The following WNT4 variants were observed in gnomAD, a reference collection of about 807,000 sequenced individuals.
WNT4 encodes protein Wnt-4.
Under a neutral mutation model 34.5 loss-of-function variants are expected in WNT4, and 16 were observed. The ratio of observed to expected loss-of-function variants is 0.46; its 90% CI spans 0.31 to 0.70. The LOEUF (loss-of-function observed/expected upper bound fraction) is 0.70, where lower values mean the gene tolerates loss of function less well. Ranked by LOEUF, WNT4 falls within the 30% of genes least tolerant of loss-of-function variation. WNT4 has a pLI of 0.04. For synonymous variants in WNT4, 200 were observed against 211.9 expected (o/e 0.94, Z 0.49); for missense variants, 379 against 495.9 (o/e 0.76, Z 2.24).
rs1359702434 is a variant in WNT4 at position 22,139,453 on chromosome 1, TGG to T, written c.77+3391_77+3392del. Among the ~76,000 whole-genome samples the T allele has an allele frequency of 4.6e-5, 7 of 152,154 alleles. No homozygotes were observed. The highest frequency in any genetic ancestry group is 1.7e-4 in the African/African-American group (7 of 41,436). On this transcript the variant is annotated intron_variant, in intron 1 of 4. Transcript: ENST00000290167. The surrounding 1 kb of genome is among the most constrained non-coding windows in gnomAD (Gnocchi z 4.6). ...TCAGCTGGGCAGGGCAGAGCTCGGT[TGG>T]ATCTCAAAGACCCACTTCTTGGCCA...
chr1:22,139,172 C>T lies in WNT4; in HGVS notation c.77+3674G>A, dbSNP rs1570117613. ...TGGGATAAACAGGGCTTGGGAGCAG[C>T]AGCCTGAAGGCCCGTTTTCTCCACC... On this transcript the variant is annotated intron_variant, in intron 1 of 4. Coordinates refer to ENST00000290167, the MANE Select transcript of WNT4 (RefSeq NM_030761.5). The surrounding 1 kb of genome is among the most constrained non-coding windows in gnomAD (Gnocchi z 4.6). 6.6e-6 allele frequency among the ~76,000 whole-genome samples: 1 copy of T among 152,184 alleles called. No homozygotes were observed. The highest frequency in any genetic ancestry group is 2.4e-5 in the African/African-American group (1 of 41,436).
At position 22,119,158 on chromosome 1, in the gene WNT4, C is replaced by CCT. The variant is rs1239748284; in HGVS notation, c.*890_*891dup. 1 of 139,902 alleles carries CCT rather than the reference C, an allele frequency of 7.1e-6. No homozygotes were observed. Among genetic ancestry groups the CCT allele is most frequent in the African/African-American group, 2.8e-5 (1 of 36,004 alleles). The allele number at this position is 139,902 out of a possible 1,614,324, so 8.7% of individuals were successfully genotyped here. On this transcript the variant is annotated 3_prime_UTR_variant, in exon 5 of 5. Transcript: ENST00000290167. ...ACTGCAAAGGCACAGCCCTTTCCTC[C>CCT]CTCTCTCTCGCAGGTGTGTGTGTGT...
chr1:22,121,356 G>A lies in WNT4; in HGVS notation c.446-3C>T, dbSNP rs1238009541. 1 of 1,614,076 alleles carries A rather than the reference G, an allele frequency of 6.2e-7. No individual in the cohort carries two copies. Among genetic ancestry groups the A allele is most frequent in the Non-Finnish European group, 8.5e-7 (1 of 1,180,032 alleles). ...AGAGCATCCTGACCACTGGAAGCCT[G>A]GGGTGTGGTGGGCACAGAAAGGGCT... On this transcript the variant is annotated splice_region_variant and splice_polypyrimidine_tract_variant and intron_variant, in intron 3 of 4. Transcript: ENST00000290167.
chr1:22,122,526 G>A (rs1039284897), intron 2 of WNT4, among the ~76,000 whole-genome samples: 1 of 152,142 alleles, frequency 6.6e-6, no homozygotes, highest in African/African-American at 2.4e-5. Context: ...TGGAGGTGGG[G>A]GGCAGTGTGT....
At position 22,137,094 on chromosome 1, in the gene WNT4, A is replaced by G. The variant is rs1471695381; in HGVS notation, c.77+5752T>C. On this transcript the variant is annotated intron_variant, in intron 1 of 4. Transcript: ENST00000290167. This position sits in a 1 kb window ranked among gnomAD's most constrained non-coding sequence, Gnocchi z 5.3. ...TCCAAAGATACATGTGAGCTGTCCG[A>G]GGCTCCTCTCCCCTGGAGGACGCAT... 1.3e-5 allele frequency among the ~76,000 whole-genome samples: 2 copies of G among 152,120 alleles called. No homozygotes were observed. Among genetic ancestry groups the G allele is most frequent in the Non-Finnish European group, 2.9e-5 (2 of 68,008 alleles).
intron 2 of WNT4, among the ~76,000 whole-genome samples, chr1:22,123,218 C>T (rs989416001): frequency 1.3e-5 from 2 of 152,118 alleles, no homozygotes; most frequent in Non-Finnish European, 2.9e-5. Flanking sequence ...GTCGCCTCAG[C>T]CTGGCCTCGC....
rs1646055966 is a variant in WNT4 at position 22,140,255 on chromosome 1, G to A, written c.77+2591C>T. On this transcript the variant is annotated intron_variant, in intron 1 of 4. Coordinates refer to ENST00000290167, the MANE Select transcript of WNT4 (RefSeq NM_030761.5). This position sits in a 1 kb window ranked among gnomAD's most constrained non-coding sequence, Gnocchi z 5.9. ...CTGCATGGACACCTGCCTCCCCGAA[G>A]CTTTTCCTTCTAGAGGCAGCTTTTC... The A allele has an allele frequency of 6.1e-6, 6 of 985,352 alleles. No homozygotes were observed. The South Asian group carries it at 2.8e-4, about 46-fold the overall frequency. 61.0% of individuals were successfully genotyped at this position (985,352 alleles called of 1,614,324 possible). A position where few individuals can be genotyped will look rare whatever the true frequency, so the allele number is the denominator to read the frequency against.
intron 2 of WNT4, among the ~76,000 whole-genome samples, chr1:22,122,508 T>C (rs1018523143): frequency 3.3e-5 from 5 of 151,998 alleles, no homozygotes; most frequent in Admixed American, 1.3e-4. Context: ...TGTTGTGGAC[T>C]CTCTTTCTGG....
rs1222776389 is a variant in WNT4 at position 22,142,088 on chromosome 1, T to C, written c.77+758A>G. On this transcript the variant is annotated intron_variant, in intron 1 of 4. Transcript: ENST00000290167. This position sits in a 1 kb window ranked among gnomAD's most constrained non-coding sequence, Gnocchi z 6.0. ...TTAGTCTCCCTCCCTGCAGCAAACC[T>C]TCCGCCCCTACCCAGGGAGCGCCCT... 6.6e-6 allele frequency among the ~76,000 whole-genome samples: 1 copy of C among 152,134 alleles called. No homozygotes were observed. Among genetic ancestry groups the C allele is most frequent in the Admixed American group, 6.5e-5 (1 of 15,272 alleles).
In WNT4 at chr1:22,136,231, G is replaced by C. The variant is rs1051940708; in HGVS notation, c.78-6380C>G. ...TCTCCCTGAGGCAGGTGTGTTGTTG[G>C]GGGGAGTGGGTATCAAATTTAAGGC... is the stretch of plus-strand genomic sequence containing the variant. On this transcript the variant is annotated intron_variant, in intron 1 of 4. Coordinates refer to ENST00000290167, the MANE Select transcript of WNT4 (RefSeq NM_030761.5). 3.9e-5 allele frequency among the ~76,000 whole-genome samples: 6 copies of C among 152,264 alleles called. No homozygotes were observed. The South Asian group carries it at 6.2e-4, about 16-fold the overall frequency.
intron 1 of WNT4, among the ~76,000 whole-genome samples, chr1:22,130,156 C>T (rs1645972260): frequency 6.6e-6 from 1 of 152,224 alleles, no homozygotes; most frequent in African/African-American, 2.4e-5. Flanking sequence ...CCCCGTGCCA[C>T]TGTCTGTGCC....
Position 22,121,152 on chromosome 1 carries a change from C to CTG in WNT4, c.588+57_588+58dup, listed in dbSNP as rs41420150. 0.79 allele frequency: 1,267,878 copies of CTG among 1,606,872 alleles called. 502,735 individuals carry two copies. The highest frequency in any genetic ancestry group is 1 in the East Asian group (44,715 of 44,732). ...TGAGTGGCCGTGTGGGTGGGAGAGT[C>CTG]TGGGGCCCTGCCCATGCTATCCCTA... On this transcript the variant is annotated intron_variant, in intron 4 of 4. Coordinates refer to ENST00000290167, the MANE Select transcript of WNT4 (RefSeq NM_030761.5).
intron 2 of WNT4, among the ~76,000 whole-genome samples, chr1:22,124,494 C>T (rs573792156): frequency 7.2e-5 from 11 of 152,262 alleles, no homozygotes; most frequent in Admixed American, 2.6e-4. Context: ...TCAGTTAACC[C>T]GTAAATCCAC....
intron 1 of WNT4, among the ~76,000 whole-genome samples, chr1:22,132,177 C>A (rs912569423): frequency 6.6e-6 from 1 of 152,220 alleles, no homozygotes; most frequent in Non-Finnish European, 1.5e-5. Context: ...GACGTTGGAT[C>A]CTTTCCTGCT....
rs906651003 is a variant in WNT4, at chr1:22,120,277, G to T, written c.829C>A (p.Pro277Thr). The change falls in exon 5 of 5, where the codon CCC becomes ACC. Residue 277 changes from proline to threonine, a missense_variant. Pro to Thr is a conservative substitution (Grantham distance 38). This residue lies in a region of WNT4 where 313 missense variants were observed against 445.8 expected (regional missense o/e 0.70). Transcript: ENST00000290167. ...CGCATGTCCTGCTCACAGAAGTCGGGGCTAGGCTCCAAGTACACCAGGTCC... is the reference window on the plus strand; with the variant it reads ...CGCATGTCCTGCTCACAGAAGTCGGTGCTAGGCTCCAAGTACACCAGGTCC... ...DEDLVYLEPSPDFCEQDMRSG... is the reference protein window; with the variant it reads ...DEDLVYLEPSTDFCEQDMRSG... The T allele has an allele frequency of 5.6e-6, 9 of 1,614,088 alleles. No homozygotes were observed. The African/African-American group carries it at 1.2e-4, about 22-fold the overall frequency.
chr1:22,142,586 C>G lies in WNT4; in HGVS notation c.77+260G>C, dbSNP rs1297719998. Among the ~76,000 whole-genome samples the G allele has an allele frequency of 6.6e-6, 1 of 151,872 alleles. No individual in the cohort carries two copies. Among genetic ancestry groups the G allele is most frequent in the Non-Finnish European group, 1.5e-5 (1 of 67,910 alleles). On this transcript the variant is annotated intron_variant, in intron 1 of 4. Coordinates refer to ENST00000290167, the MANE Select transcript of WNT4 (RefSeq NM_030761.5). The surrounding 1 kb of genome is among the most constrained non-coding windows in gnomAD (Gnocchi z 6.0). ...CCTGGCGCCCTCGAGAGCCCCGAGCCGCCTACCGGTGCGGACGCCGCCACA... is the reference window on the plus strand; with the variant it reads ...CCTGGCGCCCTCGAGAGCCCCGAGCGGCCTACCGGTGCGGACGCCGCCACA...
In WNT4 at chr1:22,140,359, G is replaced by A. The variant is rs899755134; in HGVS notation, c.77+2487C>T. The A allele has an allele frequency of 5.3e-6, 4 of 748,624 alleles. No homozygotes were observed. Among genetic ancestry groups the A allele is most frequent in the Non-Finnish European group, 6.5e-6 (4 of 613,946 alleles). The allele number at this position is 748,624 out of a possible 1,614,324, so 46.4% of individuals were successfully genotyped here. A position where few individuals can be genotyped will look rare whatever the true frequency, so the allele number is the denominator to read the frequency against. Reference sequence around the variant, plus strand: ...GATCCCCAATCTTCTCATCTGTAACGGGATTGAAACGTTGTTGGGATTTAG... The same window carrying A: ...GATCCCCAATCTTCTCATCTGTAACAGGATTGAAACGTTGTTGGGATTTAG... On this transcript the variant is annotated intron_variant, in intron 1 of 4. Coordinates refer to ENST00000290167, the MANE Select transcript of WNT4 (RefSeq NM_030761.5). The surrounding 1 kb of genome is among the most constrained non-coding windows in gnomAD (Gnocchi z 5.9).
chr1:22,136,419 G>A (rs1215318831), intron 1 of WNT4, among the ~76,000 whole-genome samples: 1 of 152,188 alleles, frequency 6.6e-6, no homozygotes, highest in Admixed American at 6.5e-5. Flanking sequence ...GAAAGAGGAG[G>A]GACAGGTGAA....
intron 2 of WNT4, chr1:22,127,136 C>A: frequency 2.6e-6 from 1 of 382,194 alleles, no homozygotes; most frequent in East Asian, 7.5e-5. Flanking sequence ...CCAGGTGTGA[C>A]TGGCACCTGC....
Sources: gnomAD v4.1 joint callset for allele counts (sites outside exome capture counted in the v4.1 genomes callset) on GRCh38, gnomAD v4.1.1 for gene constraint, gnomAD v4.1.1 regional missense constraint, Gnocchi (gnomAD v3.1) non-coding constraint, MANE v1.5 for transcripts, NCBI Gene and HGNC (gene_info 2026-07-23, HGNC 2026-07-21) for gene names.